GPHN: variants seen among roughly 807,000 people sequenced by gnomAD.
The protein encoded by GPHN is gephyrin.
GPHN carries 17 observed loss-of-function variants against 95.5 expected under a neutral mutation model. That is an observed-to-expected ratio of 0.18 (90% confidence interval 0.12 to 0.27). The LOEUF (loss-of-function observed/expected upper bound fraction) is 0.27, where lower values mean the gene tolerates loss of function less well. GPHN is among the 10% of genes least tolerant of loss of function. The pLI, the probability that GPHN is intolerant of heterozygous loss-of-function variation, is 1.00. For missense variants in GPHN, 660 were observed against 978.1 expected, an observed-to-expected ratio of 0.67 and a Z score of 4.34; for synonymous variants, 320 against 322.5, an observed-to-expected ratio of 0.99 and a Z score of 0.08.
intron 18 of GPHN, among the ~76,000 whole-genome samples, chr14:67,149,546 A>G (rs770399063): frequency 1.7e-4 from 26 of 152,344 alleles, no homozygotes; most frequent in Non-Finnish European, 3.4e-4. Flanking sequence ...TCTTGAGACC[A>G]AAAATTCTGA....
chr14:66,660,692 C>T (rs191055412), intron 1 of GPHN, among the ~76,000 whole-genome samples: 2 of 152,036 alleles, frequency 1.3e-5, no homozygotes, highest in Non-Finnish European at 2.9e-5. Flanking sequence ...CAGAGAGGAA[C>T]GAAAGGGACG....
chr14:67,221,668 C>T, the GPHN span: 1 of 1,507,794 alleles, frequency 6.6e-7, no homozygotes, highest in South Asian at 1.3e-5. Context: ...TGTTTCATTA[C>T]TACCCACAGA....
chr14:67,024,886 T>G (rs1451780071), intron 10 of GPHN, among the ~76,000 whole-genome samples: 1 of 152,214 alleles, frequency 6.6e-6, no homozygotes, highest in Middle Eastern at 3.4e-3. Context: ...TTTGTGTAAA[T>G]TTTTCCATTT....
intron 4 of GPHN, among the ~76,000 whole-genome samples, chr14:66,860,067 A>G (rs1299638879): frequency 4.6e-5 from 7 of 152,296 alleles, no homozygotes; most frequent in Non-Finnish European, 7.4e-5. Flanking sequence ...ATTCAAAGGG[A>G]TAATATGAGA....
At chr14:66,667,576 G>T (rs1375937990) in intron 1 of GPHN, among the ~76,000 whole-genome samples, 1 of 152,150 alleles carries the variant, frequency 6.6e-6, no homozygotes, top group Non-Finnish European at 1.5e-5. Flanking sequence ...TCAATAAATG[G>T]TGCTGGGATA....
chr14:67,225,962 T>TGTGTGTGCGCGCGC, the GPHN span, among the ~76,000 whole-genome samples: 1 of 113,490 alleles, frequency 8.8e-6, no homozygotes, highest in African/African-American at 5.1e-5. Context: ...TGTGTGTGTG[T>TGTGTGTGCGCGCGC]GCGCGCGCGC....
chr14:66,553,333 C>T (rs917581207), intron 1 of GPHN, among the ~76,000 whole-genome samples: 1 of 152,054 alleles, frequency 6.6e-6, no homozygotes, highest in Non-Finnish European at 1.5e-5. Context: ...TATTTGAGAA[C>T]TTTCTAGTCA....
chr14:66,761,074 G>T, intron 2 of GPHN: 2 of 435,636 alleles, frequency 4.6e-6, no homozygotes, highest in South Asian at 1.9e-5. Context: ...TGGAGACTTG[G>T]AACTGCTAAA....
At chr14:66,935,357 G>A (rs2067057251) in intron 8 of GPHN, among the ~76,000 whole-genome samples, 1 of 151,804 alleles carries the variant, frequency 6.6e-6, no homozygotes, top group Non-Finnish European at 1.5e-5. Flanking sequence ...ATTGCCCTGG[G>A]AAGAAAAAGA....
At chr14:66,771,275 T>G (rs1366489695) in intron 2 of GPHN, among the ~76,000 whole-genome samples, 1 of 152,206 alleles carries the variant, frequency 6.6e-6, no homozygotes. Context: ...CCTCTTTCAT[T>G]TCCCTCCTTA....
At chr14:67,513,375 T>C in the GPHN span, among the ~76,000 whole-genome samples, 1 of 152,194 alleles carries the variant, frequency 6.6e-6, no homozygotes, top group Non-Finnish European at 1.5e-5. Flanking sequence ...TGCATCTGAC[T>C]TTAGCCACAA....
the GPHN span, chr14:67,533,545 G>A: frequency 6.6e-6 from 1 of 152,012 alleles, no homozygotes; most frequent in Non-Finnish European, 1.5e-5. Flanking sequence ...TCCCAGCGGC[G>A]GGGAGCGCTG....
At chr14:67,220,645 A>T in the GPHN span, among the ~76,000 whole-genome samples, 1 of 152,168 alleles carries the variant, frequency 6.6e-6, no homozygotes, top group African/African-American at 2.4e-5. Context: ...TCATATCTTG[A>T]CAGTAGTCCT....
chr14:66,623,898 CGTAATAT>C (rs2063414606), intron 1 of GPHN, among the ~76,000 whole-genome samples: 1 of 152,096 alleles, frequency 6.6e-6, no homozygotes. Flanking sequence ...GAAGAGCTAC[CGTAATAT>C]TTCACCTCCT....
At chr14:66,800,478 A>G (rs2153476343) in intron 3 of GPHN, among the ~76,000 whole-genome samples, 1 of 152,282 alleles carries the variant, frequency 6.6e-6, no homozygotes, top group Non-Finnish European at 1.5e-5. Flanking sequence ...TTCTTCTTTC[A>G]GCACTATAAA....
chr14:67,275,383 G>A, the GPHN span, among the ~76,000 whole-genome samples: 1 of 152,048 alleles, frequency 6.6e-6, no homozygotes, highest in Non-Finnish European at 1.5e-5. Context: ...ATAATCATGT[G>A]GTTTTTGTCT....
At chr14:67,225,179 C>A in the GPHN span, 1 of 1,575,328 alleles carries the variant, frequency 6.3e-7, no homozygotes, top group East Asian at 2.3e-5. Context: ...ATCTGTCTGC[C>A]CCTTTCTCAA....
intron 2 of GPHN, among the ~76,000 whole-genome samples, chr14:66,704,398 C>T (rs1033064166): frequency 6.6e-6 from 1 of 151,970 alleles, no homozygotes; most frequent in Non-Finnish European, 1.5e-5. Context: ...ATTCTAAAAT[C>T]AGCCACATAA....
the GPHN span, among the ~76,000 whole-genome samples, chr14:67,429,356 G>C: frequency 6.6e-6 from 1 of 151,352 alleles, no homozygotes; most frequent in Non-Finnish European, 1.5e-5. Context: ...TCAGCCTCCT[G>C]AGTAGCTAGG....
Sources: allele counts gnomAD v4.1 joint callset (sites outside exome capture counted in the v4.1 genomes callset), GRCh38; gene constraint gnomAD v4.1.1; transcripts MANE v1.5; gene names NCBI Gene and HGNC (gene_info 2026-07-23, HGNC 2026-07-21).